The following CADM2 variants were observed in gnomAD, a reference collection of about 807,000 sequenced individuals.
CADM2 encodes the protein immunoglobulin superfamily member 4D.
In CADM2, 12 loss-of-function variants were observed where a neutral mutation model predicts 49.8. The observed-to-expected ratio is 0.24, with a 90% CI of 0.15 to 0.39. The LOEUF (loss-of-function observed/expected upper bound fraction) is 0.39, where lower values mean the gene tolerates loss of function less well. CADM2 is among the 10% of genes least tolerant of loss of function. The pLI is 1.00. For synonymous variants in CADM2, 214 were observed against 175.4 expected, an observed-to-expected ratio of 1.22 and a Z score of -1.74; for missense variants, 378 against 492.3, an observed-to-expected ratio of 0.77 and a Z score of 2.20.
chr3:86,061,065 T>G (rs1002290737), intron 8 of CADM2, among the ~76,000 whole-genome samples: 1 of 151,948 alleles, frequency 6.6e-6, no homozygotes, highest in Non-Finnish European at 1.5e-5. Context: ...TGATTAAAAA[T>G]TTTGTTTAAG....
intron 1 of CADM2, among the ~76,000 whole-genome samples, chr3:85,576,589 T>C (rs985472401): frequency 2.0e-5 from 3 of 152,222 alleles, no homozygotes; most frequent in African/African-American, 4.8e-5. Flanking sequence ...AGATTTTCTC[T>C]CTTGGAAGTG....
At chr3:85,701,958 G>A (rs2066778877) in intron 1 of CADM2, among the ~76,000 whole-genome samples, 2 of 140,808 alleles carry the variant, frequency 1.4e-5, no homozygotes, top group East Asian at 2.1e-4. Context: ...AAAGATAGAT[G>A]TAGATAGATA....
intron 8 of CADM2, chr3:85,993,405 A>C (rs1729022660): frequency 6.6e-6 from 1 of 152,138 alleles, no homozygotes; most frequent in African/African-American, 2.4e-5. Flanking sequence ...TCCACCACTG[A>C]AGTCTTGAAT....
intron 1 of CADM2, among the ~76,000 whole-genome samples, chr3:85,065,624 C>T (rs2036501903): frequency 1.3e-5 from 2 of 152,066 alleles, no homozygotes; most frequent in Non-Finnish European, 1.5e-5. Flanking sequence ...TTTCCAGTCC[C>T]TTTAAAATCC....
At chr3:85,945,728 G>A (rs1274926292) in intron 7 of CADM2, among the ~76,000 whole-genome samples, 1 of 151,932 alleles carries the variant, frequency 6.6e-6, no homozygotes, top group African/African-American at 2.4e-5. Context: ...AAATTCAACA[G>A]CCCTTCATGC....
chr3:85,641,312 A>G lies in CADM2; in HGVS notation c.62-85210A>G, dbSNP rs995765306. Among the ~76,000 whole-genome samples the G allele has an allele frequency of 4.6e-5, 7 of 152,294 alleles. No individual in the cohort carries two copies. The East Asian group carries it at 1.4e-3, about 29-fold the overall frequency. ...CCATTCGTTATATACAACTTTTTTA[A>G]ATGTTCTACCCTATACTCTCATCTC... On this transcript the variant is annotated intron_variant, in intron 1 of 9. Coordinates refer to ENST00000383699, the MANE Select transcript of CADM2 (RefSeq NM_001167675.2).
intron 2 of CADM2, among the ~76,000 whole-genome samples, chr3:85,757,077 A>G (rs966828441): frequency 3.3e-5 from 5 of 152,156 alleles, no homozygotes; most frequent in Non-Finnish European, 5.9e-5. Flanking sequence ...ATGGCTTTAT[A>G]AAATAATATT....
chr3:85,112,932 A>G (rs575092771), intron 1 of CADM2, among the ~76,000 whole-genome samples: 4 of 151,902 alleles, frequency 2.6e-5, no homozygotes, highest in South Asian at 4.1e-4. Context: ...CATATATTTT[A>G]TATGTATTTA....
chr3:85,552,234 G>T (rs2061822197), intron 1 of CADM2, among the ~76,000 whole-genome samples: 1 of 152,044 alleles, frequency 6.6e-6, no homozygotes, highest in Non-Finnish European at 1.5e-5. Flanking sequence ...CAAACAATTA[G>T]GAGGCAGAAC....
intron 1 of CADM2, among the ~76,000 whole-genome samples, chr3:85,242,423 A>G (rs1449939205): frequency 2.6e-5 from 4 of 151,598 alleles, no homozygotes; most frequent in Non-Finnish European, 4.4e-5. Flanking sequence ...GCATCATGAA[A>G]TCTACATTTT....
chr3:85,768,724 T>C (rs536729380), intron 2 of CADM2, among the ~76,000 whole-genome samples: 1 of 143,260 alleles, frequency 7.0e-6, no homozygotes, highest in South Asian at 2.1e-4. Context: ...ACACATATAG[T>C]ATATATACAC....
chr3:85,138,519 G>A (rs1021520346), intron 1 of CADM2, among the ~76,000 whole-genome samples: 1 of 152,170 alleles, frequency 6.6e-6, no homozygotes, highest in African/African-American at 2.4e-5. Flanking sequence ...TAATATCTAA[G>A]AAGGTATTTT....
At chr3:85,561,732 A>G (rs1267452846) in intron 1 of CADM2, among the ~76,000 whole-genome samples, 1 of 152,200 alleles carries the variant, frequency 6.6e-6, no homozygotes, top group African/African-American at 2.4e-5. Context: ...CATTCATTCA[A>G]TAACACTATA....
At chr3:85,502,388 TAAG>T (rs1169543557) in intron 1 of CADM2, among the ~76,000 whole-genome samples, 2 of 151,892 alleles carry the variant, frequency 1.3e-5, no homozygotes, top group East Asian at 3.9e-4. Context: ...TGGCTACTCT[TAAG>T]GAGGAAAAAG....
intron 1 of CADM2, among the ~76,000 whole-genome samples, chr3:85,572,691 C>T (rs1392798883): frequency 6.6e-6 from 1 of 152,148 alleles, no homozygotes; most frequent in Non-Finnish European, 1.5e-5. Flanking sequence ...GTCTTTAAGT[C>T]CTGGAGTCCA....
intron 1 of CADM2, among the ~76,000 whole-genome samples, chr3:85,025,721 A>G (rs1039861036): frequency 1.3e-5 from 2 of 152,142 alleles, no homozygotes; most frequent in Non-Finnish European, 2.9e-5. Flanking sequence ...TGACCGTCGT[A>G]GGTTATTTTT....
At chr3:85,759,477 C>T (rs560301460) in intron 2 of CADM2, among the ~76,000 whole-genome samples, 13 of 152,000 alleles carry the variant, frequency 8.6e-5, no homozygotes, top group Non-Finnish European at 1.6e-4. Context: ...CCTACCTGGG[C>T]GTTTAAAATT....
At chr3:85,730,161 G>A (rs1291221455) in intron 2 of CADM2, among the ~76,000 whole-genome samples, 4 of 151,982 alleles carry the variant, frequency 2.6e-5, no homozygotes, top group Non-Finnish European at 5.9e-5. Flanking sequence ...CTCATTCCTG[G>A]CCGGGTGCAG....
At chr3:85,640,219 T>C (rs1249459417) in intron 1 of CADM2, among the ~76,000 whole-genome samples, 1 of 152,178 alleles carries the variant, frequency 6.6e-6, no homozygotes, top group Non-Finnish European at 1.5e-5. Flanking sequence ...TTTCTTCCCA[T>C]TACTCTGCAC....
Sources: gnomAD v4.1 joint callset for allele counts (sites outside exome capture counted in the v4.1 genomes callset) on GRCh38, gnomAD v4.1.1 for gene constraint, MANE v1.5 for transcripts, NCBI Gene and HGNC (gene_info 2026-07-23, HGNC 2026-07-21) for gene names.